The following SYNDIG1 variants were observed in gnomAD, a reference collection of about 807,000 sequenced individuals.
SYNDIG1 encodes the protein synapse differentiation-inducing gene protein 1.
In SYNDIG1, 9 loss-of-function variants were observed where a neutral mutation model predicts 19.4. That is an observed-to-expected ratio of 0.46 (90% CI 0.28 to 0.81). SYNDIG1 has a LOEUF of 0.81. SYNDIG1 is among the 30% of genes least tolerant of loss of function. The pLI is 0.12. For synonymous variants in SYNDIG1, 141 were observed against 145.9 expected, an observed-to-expected ratio of 0.97 and a Z score of 0.24; for missense variants, 311 against 343.3, an observed-to-expected ratio of 0.91 and a Z score of 0.74.
intron 3 of SYNDIG1, among the ~76,000 whole-genome samples, chr20:24,588,262 G>T (rs2058449650): frequency 6.6e-6 from 1 of 152,208 alleles, no homozygotes; most frequent in Non-Finnish European, 1.5e-5. Flanking sequence ...AGTTCTCCAG[G>T]TGCTGGGGGT....
chr20:24,547,097 G>A (rs186943900), intron 2 of SYNDIG1, among the ~76,000 whole-genome samples: 126 of 151,842 alleles, frequency 8.3e-4, no homozygotes, highest in Non-Finnish European at 1.6e-3. Flanking sequence ...GGTTCAGAGT[G>A]GGGCCTTCTC....
chr20:24,616,432 T>C (rs1436159172), intron 3 of SYNDIG1, among the ~76,000 whole-genome samples: 1 of 152,154 alleles, frequency 6.6e-6, no homozygotes, highest in East Asian at 1.9e-4. Context: ...CCTTTGGGGA[T>C]TTTAATTTGA....
chr20:24,551,852 A>G (rs2057711777), intron 2 of SYNDIG1, among the ~76,000 whole-genome samples: 1 of 152,214 alleles, frequency 6.6e-6, no homozygotes, highest in South Asian at 2.1e-4. Flanking sequence ...CATAGTTTGT[A>G]TAATTTCTCT....
intron 3 of SYNDIG1, among the ~76,000 whole-genome samples, chr20:24,653,756 G>T (rs2059496666): frequency 6.6e-6 from 1 of 152,176 alleles, no homozygotes; most frequent in Admixed American, 6.5e-5. Flanking sequence ...AGCTCTGGAG[G>T]CTGGAAGCCT....
chr20:24,604,482 T>C (rs1196912549), intron 3 of SYNDIG1, among the ~76,000 whole-genome samples: 1 of 152,212 alleles, frequency 6.6e-6, no homozygotes, highest in Admixed American at 6.5e-5. Flanking sequence ...TATATGCTAA[T>C]TACATGCACC....
In SYNDIG1 at chr20:24,550,375, G is replaced by T. The variant is rs564818576; in HGVS notation, c.480+6798G>T. On this transcript the variant is annotated intron_variant, in intron 2 of 3. Coordinates refer to ENST00000376862, the MANE Select transcript of SYNDIG1 (RefSeq NM_024893.3). ...AGTGGGGTTGCTGGATTGTATGGTAGTTCTATTTGTGGTTTTTCTAGGGAG... is the reference window on the plus strand; with the variant it reads ...AGTGGGGTTGCTGGATTGTATGGTATTTCTATTTGTGGTTTTTCTAGGGAG... 2.4e-4 allele frequency among the ~76,000 whole-genome samples: 37 copies of T among 152,300 alleles called. No homozygotes were observed. The East Asian group carries it at 6.4e-3, about 26-fold the overall frequency.
chr20:24,525,108 T>G (rs1249930508), intron 1 of SYNDIG1, among the ~76,000 whole-genome samples: 1 of 152,086 alleles, frequency 6.6e-6, no homozygotes, highest in African/African-American at 2.4e-5. Context: ...GACCTAAGTA[T>G]TTTTATATTT....
At chr20:24,626,946 C>A (rs368024881) in intron 3 of SYNDIG1, among the ~76,000 whole-genome samples, 2 of 152,108 alleles carry the variant, frequency 1.3e-5, no homozygotes, top group African/African-American at 4.8e-5. Context: ...CGTGGCGGCG[C>A]GCGCCTGCAA....
intron 3 of SYNDIG1, among the ~76,000 whole-genome samples, chr20:24,649,252 A>C (rs1600825572): frequency 6.6e-6 from 1 of 152,112 alleles, no homozygotes; most frequent in East Asian, 1.9e-4. Context: ...TTGGGTGGAC[A>C]CTCAGCTGAC....
chr20:24,545,109 C>A (rs1283601520), intron 2 of SYNDIG1, among the ~76,000 whole-genome samples: 2 of 152,142 alleles, frequency 1.3e-5, no homozygotes, highest in African/African-American at 4.8e-5. Context: ...ATTGGAGAGA[C>A]CCCATTGAGA....
chr20:24,649,452 G>C (rs757361025), intron 3 of SYNDIG1, among the ~76,000 whole-genome samples: 2 of 152,122 alleles, frequency 1.3e-5, no homozygotes, highest in African/African-American at 4.8e-5. Context: ...TAACTTCTCA[G>C]CGGGGCTCTT....
At chr20:24,502,730 C>T (rs1177040744) in intron 1 of SYNDIG1, among the ~76,000 whole-genome samples, 1 of 152,320 alleles carries the variant, frequency 6.6e-6, no homozygotes. Context: ...AATGCACATC[C>T]TCCAAGTGCA....
chr20:24,482,702 G>A (rs2055833316), intron 1 of SYNDIG1, among the ~76,000 whole-genome samples: 1 of 152,162 alleles, frequency 6.6e-6, no homozygotes, highest in African/African-American at 2.4e-5. Context: ...CAACTATTAT[G>A]ATGTTCTTAA....
chr20:24,616,580 G>A (rs2058936954), intron 3 of SYNDIG1, among the ~76,000 whole-genome samples: 1 of 152,254 alleles, frequency 6.6e-6, no homozygotes, highest in African/African-American at 2.4e-5. Context: ...AGGAAGCACA[G>A]GAGCTGATTT....
chr20:24,539,747 A>AT (rs1184861715), intron 1 of SYNDIG1, among the ~76,000 whole-genome samples: 1 of 147,244 alleles, frequency 6.8e-6, no homozygotes, highest in Non-Finnish European at 1.5e-5. Flanking sequence ...GTCTTCTTTA[A>AT]TTTTTTTCAG....
intron 2 of SYNDIG1, among the ~76,000 whole-genome samples, chr20:24,560,156 C>A (rs2057913001): frequency 7.2e-6 from 1 of 138,742 alleles, no homozygotes; most frequent in African/African-American, 2.8e-5. Flanking sequence ...GCAACTTCTG[C>A]CTCCCGGGTT....
At chr20:24,622,157 A>G (rs947077183) in intron 3 of SYNDIG1, among the ~76,000 whole-genome samples, 4 of 152,244 alleles carry the variant, frequency 2.6e-5, no homozygotes, top group Non-Finnish European at 4.4e-5. Flanking sequence ...GGTAGACAAC[A>G]CATAAGAAAA....
At chr20:24,496,241 C>T (rs964224866) in intron 1 of SYNDIG1, among the ~76,000 whole-genome samples, 19 of 152,296 alleles carry the variant, frequency 1.2e-4, no homozygotes, top group East Asian at 3.9e-4. Context: ...GTTAATTTGA[C>T]GATACACTTG....
At chr20:24,639,521 A>G (rs2059350362) in intron 3 of SYNDIG1, among the ~76,000 whole-genome samples, 1 of 152,188 alleles carries the variant, frequency 6.6e-6, no homozygotes, top group Admixed American at 6.5e-5. Flanking sequence ...TCAGCTCCCT[A>G]GTGTGAGTGA....
Sources: gnomAD v4.1 joint callset for allele counts (sites outside exome capture counted in the v4.1 genomes callset) on GRCh38, gnomAD v4.1.1 for gene constraint, MANE v1.5 for transcripts, NCBI Gene and HGNC (gene_info 2026-07-23, HGNC 2026-07-21) for gene names.